The following DLG2 variants were observed in gnomAD, a reference collection of about 807,000 sequenced individuals.
The protein encoded by DLG2 is discs large MAGUK scaffold protein 2.
A neutral mutation model predicts 132.5 loss-of-function variants in DLG2; 45 were observed. That is an observed-to-expected ratio of 0.34 (90% CI 0.27 to 0.44). The LOEUF is 0.44. Ranked by LOEUF, DLG2 falls within the 20% of genes least tolerant of loss-of-function variation. The pLI is 1.00. For synonymous variants in DLG2, 424 were observed against 419.6 expected, an observed-to-expected ratio of 1.01 and a Z score of -0.13; for missense variants, 1,045 against 1,196.9, an observed-to-expected ratio of 0.87 and a Z score of 1.87.
intron 6 of DLG2, among the ~76,000 whole-genome samples, chr11:84,768,234 A>G (rs1364234090): frequency 1.3e-5 from 2 of 152,198 alleles, no homozygotes; most frequent in African/African-American, 4.8e-5. Flanking sequence ...ATTGCTCATT[A>G]TGGCTATTTT....
intron 11 of DLG2, among the ~76,000 whole-genome samples, chr11:84,023,377 C>T (rs945650965): frequency 1.3e-4 from 20 of 152,062 alleles, no homozygotes; most frequent in African/African-American, 4.6e-4. Context: ...ATCTTCATAA[C>T]AAACCTATAG....
At chr11:84,699,044 T>C (rs2058920610) in intron 6 of DLG2, among the ~76,000 whole-genome samples, 1 of 151,534 alleles carries the variant, frequency 6.6e-6, no homozygotes, top group South Asian at 2.1e-4. Flanking sequence ...CACTACCCTC[T>C]GTGCCCCACT....
chr11:84,322,763 T>C (rs911788623), intron 7 of DLG2, among the ~76,000 whole-genome samples: 1 of 152,080 alleles, frequency 6.6e-6, no homozygotes, highest in East Asian at 1.9e-4. Context: ...CTAATTTGTG[T>C]ATTTGTAGCA....
chr11:85,095,517 T>C (rs1004740233), intron 6 of DLG2, among the ~76,000 whole-genome samples: 2 of 152,142 alleles, frequency 1.3e-5, no homozygotes, highest in African/African-American at 4.8e-5. Flanking sequence ...TTTTCAGTCC[T>C]ATGGGCTCTT....
chr11:85,381,485 G>A (rs948968288), intron 3 of DLG2, among the ~76,000 whole-genome samples: 1 of 152,014 alleles, frequency 6.6e-6, no homozygotes, highest in African/African-American at 2.4e-5. Context: ...AAATTATACT[G>A]GAGGTTTTAG....
intron 21 of DLG2, among the ~76,000 whole-genome samples, chr11:83,522,703 A>C (rs1310218076): frequency 1.3e-5 from 2 of 151,930 alleles, no homozygotes; most frequent in African/African-American, 4.8e-5. Flanking sequence ...TATTCTCCAG[A>C]GTTTATTATT....
At chr11:84,375,685 A>G (rs1340676049) in intron 7 of DLG2, among the ~76,000 whole-genome samples, 1 of 151,578 alleles carries the variant, frequency 6.6e-6, no homozygotes, top group Non-Finnish European at 1.5e-5. Context: ...TTTTTTAATT[A>G]CAGTGTTAGC....
At chr11:85,119,989 A>T (rs2074106451) in intron 5 of DLG2, among the ~76,000 whole-genome samples, 2 of 152,080 alleles carry the variant, frequency 1.3e-5, no homozygotes, top group African/African-American at 4.8e-5. Context: ...TTAAATATGC[A>T]ATTCATACAA....
intron 6 of DLG2, among the ~76,000 whole-genome samples, chr11:84,656,195 G>A (rs1237030152): frequency 6.6e-6 from 1 of 152,136 alleles, no homozygotes; most frequent in Admixed American, 6.6e-5. Context: ...GAATCATGAT[G>A]CATTCAGTTC....
chr11:84,507,985 A>G (rs2099246391), intron 7 of DLG2, among the ~76,000 whole-genome samples: 1 of 152,202 alleles, frequency 6.6e-6, no homozygotes, highest in Non-Finnish European at 1.5e-5. Flanking sequence ...CAAGGTGACA[A>G]TATTTGATTT....
intron 6 of DLG2, among the ~76,000 whole-genome samples, chr11:84,973,813 G>A (rs1363215040): frequency 6.6e-6 from 1 of 151,984 alleles, no homozygotes; most frequent in African/African-American, 2.4e-5. Context: ...GGATTCTTAG[G>A]GTTGTATTCC....
chr11:84,118,113 TC>T (rs1264458923), intron 9 of DLG2, among the ~76,000 whole-genome samples: 1 of 152,200 alleles, frequency 6.6e-6, no homozygotes, highest in African/African-American at 2.4e-5. Flanking sequence ...TGCGTCGGCC[TC>T]CCAAAGTGCT....
intron 25 of DLG2, among the ~76,000 whole-genome samples, chr11:83,467,764 A>AGTATATATATAT (rs1565337995): frequency 2.6e-5 from 2 of 77,982 alleles, no homozygotes; most frequent in African/African-American, 1.0e-4. Flanking sequence ...AAAAATAAAA[A>AGTATATATATAT]CTATATGTAT....
chr11:84,044,956 C>T (rs188322357), intron 11 of DLG2, among the ~76,000 whole-genome samples: 45 of 151,760 alleles, frequency 3.0e-4, no homozygotes, highest in Non-Finnish European at 7.4e-5. Context: ...AAGTGTATTG[C>T]ATTAAGTTGT....
At chr11:85,417,091 G>A (rs1395199762) in intron 3 of DLG2, among the ~76,000 whole-genome samples, 2 of 152,094 alleles carry the variant, frequency 1.3e-5, no homozygotes, top group African/African-American at 4.8e-5. Context: ...GTCATAAATA[G>A]CTCTTATTAT....
At chr11:84,098,053 C>CTT (rs2097191087) in intron 10 of DLG2, among the ~76,000 whole-genome samples, 1 of 66,044 alleles carries the variant, frequency 1.5e-5, no homozygotes, top group African/African-American at 4.7e-5. Context: ...TTTTTTTTTT[C>CTT]TTTTTTGCTT....
intron 6 of DLG2, among the ~76,000 whole-genome samples, chr11:84,679,746 T>C (rs967637438): frequency 6.6e-6 from 1 of 152,156 alleles, no homozygotes; most frequent in Non-Finnish European, 1.5e-5. Context: ...GTGAGCCTTA[T>C]TTTATAGATT....
chr11:83,983,426 A>G (rs1203126163), intron 11 of DLG2, among the ~76,000 whole-genome samples: 1 of 152,050 alleles, frequency 6.6e-6, no homozygotes, highest in East Asian at 1.9e-4. Flanking sequence ...TACAACAATA[A>G]TAAAAAATAC....
chr11:84,493,442 C>A (rs1264052691), intron 7 of DLG2, among the ~76,000 whole-genome samples: 1 of 152,048 alleles, frequency 6.6e-6, no homozygotes, highest in Non-Finnish European at 1.5e-5. Context: ...ACCCATTCCA[C>A]CCCCTTCCCA....
Sources: allele counts gnomAD v4.1 joint callset (sites outside exome capture counted in the v4.1 genomes callset), GRCh38; gene constraint gnomAD v4.1.1; transcripts MANE v1.5; gene names NCBI Gene and HGNC (gene_info 2026-07-23, HGNC 2026-07-21).